The following ABCA13 variants were observed in gnomAD, a reference collection of about 807,000 sequenced individuals.
ABCA13 encodes ATP binding cassette subfamily A member 13.
A neutral mutation model predicts 478.7 loss-of-function variants in ABCA13; 476 were observed. The observed-to-expected ratio is 0.99, with a 90% CI of 0.92 to 1.07. The LOEUF (loss-of-function observed/expected upper bound fraction) is 1.07. Ranked by LOEUF, ABCA13 falls within the 50% of genes least tolerant of loss-of-function variation. The pLI is 0.00. For missense variants in ABCA13, 6,060 were observed against 5,910.6 expected (o/e 1.03, Z -0.83); for synonymous variants, 2,252 against 2,158.9 (o/e 1.04, Z -1.20).
At chr7:48,578,919 C>A (rs546546776) in intron 55 of ABCA13, among the ~76,000 whole-genome samples, 1 of 152,322 alleles carries the variant, frequency 6.6e-6, no homozygotes, top group African/African-American at 2.4e-5. Context: ...GGTGCCAGAA[C>A]AAATGGACAT....
At chr7:48,505,481 A>G (rs538435830) in intron 48 of ABCA13, among the ~76,000 whole-genome samples, 37 of 152,330 alleles carry the variant, frequency 2.4e-4, no homozygotes, top group Admixed American at 9.8e-4. Flanking sequence ...ATGATAGGGT[A>G]AATTAAAGGC....
chr7:48,296,010 G>T (rs1799314393), intron 21 of ABCA13, 147 bp downstream of exon 21: 17 of 1,063,962 alleles, frequency 1.6e-5, no homozygotes, highest in Non-Finnish European at 1.7e-5. Context: ...AAACATCAAA[G>T]TTTTCCATGA....
At chr7:48,285,279 C>T (rs1797573758) in intron 19 of ABCA13, among the ~76,000 whole-genome samples, 1 of 152,138 alleles carries the variant, frequency 6.6e-6, no homozygotes, top group Admixed American at 6.5e-5. Flanking sequence ...ATCTGGAAAG[C>T]CAGAGTGGGT....
chr7:48,214,533 A>G (rs117366044), intron 3 of ABCA13, among the ~76,000 whole-genome samples: 100 of 152,328 alleles, frequency 6.6e-4, no homozygotes, highest in Non-Finnish European at 8.7e-4. Flanking sequence ...CTGCATTGAA[A>G]ATCTGTTGTT....
chr7:48,277,958 T>C, intron 17 of ABCA13, 136 bp from the exon 18 acceptor site: 1 of 264,918 alleles, frequency 3.8e-6, no homozygotes, highest in Non-Finnish European at 6.9e-6. Context: ...TAGCATGTCA[T>C]CTTTTGCTCA....
chr7:48,351,139 G>C (rs1192302454), intron 30 of ABCA13, among the ~76,000 whole-genome samples: 2 of 152,126 alleles, frequency 1.3e-5, no homozygotes, highest in African/African-American at 2.4e-5. Context: ...CACACCATAA[G>C]TTATATTATT....
chr7:48,276,632 G>A, intron 17 of ABCA13, 67 bp downstream of exon 17: 1 of 1,319,016 alleles, frequency 7.6e-7, no homozygotes, highest in Non-Finnish European at 1.1e-6. Flanking sequence ...TTATTTTCTG[G>A]AGTATAGACA....
intron 55 of ABCA13, among the ~76,000 whole-genome samples, chr7:48,533,865 T>C (rs991964996): frequency 7.2e-5 from 11 of 152,110 alleles, no homozygotes; most frequent in African/African-American, 2.4e-4. Flanking sequence ...TTCCACCCCT[T>C]TACCTTAAGC....
chr7:48,620,027 AG>A (rs1792980906), intron 59 of ABCA13, among the ~76,000 whole-genome samples: 1 of 152,192 alleles, frequency 6.6e-6, no homozygotes, highest in African/African-American at 2.4e-5. Context: ...CAGGAAGTGA[AG>A]TAGGAATCAG....
At chr7:48,254,928 C>T (rs978066019) in intron 15 of ABCA13, among the ~76,000 whole-genome samples, 18 of 152,104 alleles carry the variant, frequency 1.2e-4, no homozygotes, top group African/African-American at 4.3e-4. Flanking sequence ...AACAGTTGCC[C>T]ACAGTGGAAA....
intron 24 of ABCA13, among the ~76,000 whole-genome samples, chr7:48,312,201 G>A (rs1801882499): frequency 6.6e-6 from 1 of 152,186 alleles, no homozygotes. Context: ...ATAAGAAGCA[G>A]TGACAACTGG....
In ABCA13 at chr7:48,617,674, C is replaced by T. The variant is rs74778691; in HGVS notation, c.14837+2297C>T. 7.1e-3 allele frequency among the ~76,000 whole-genome samples: 1,086 copies of T among 152,214 alleles called. 16 individuals carry two copies. Among genetic ancestry groups the T allele is most frequent in the African/African-American group, 0.025 (1,021 of 41,538 alleles). ...CTAGTGGAGTGAAGCCAGGAGAGCACGAGGGTTTAGTCACCTTTAGCTTCT... is the reference window on the plus strand; with the variant it reads ...CTAGTGGAGTGAAGCCAGGAGAGCATGAGGGTTTAGTCACCTTTAGCTTCT... On this transcript the variant is annotated intron_variant, in intron 59 of 61. Transcript: ENST00000435803.
chr7:48,188,781 G>A (rs752806664), intron 1 of ABCA13, among the ~76,000 whole-genome samples: 2 of 152,090 alleles, frequency 1.3e-5, no homozygotes, highest in South Asian at 4.2e-4. Context: ...AAATGCCATC[G>A]TGGCTCAGCT....
chr7:48,549,220 C>T (rs1785090962), intron 55 of ABCA13, among the ~76,000 whole-genome samples: 1 of 151,680 alleles, frequency 6.6e-6, no homozygotes. Context: ...CCCTTGCCCT[C>T]TACCCGCCAA....
intron 55 of ABCA13, among the ~76,000 whole-genome samples, chr7:48,532,478 C>T (rs1833305307): frequency 6.6e-6 from 1 of 151,766 alleles, no homozygotes. Context: ...TTTGTTATGT[C>T]CTTTCCTGAT....
chr7:48,473,999 A>C (rs1268817637), intron 45 of ABCA13, among the ~76,000 whole-genome samples: 1 of 152,186 alleles, frequency 6.6e-6, no homozygotes, highest in Non-Finnish European at 1.5e-5. Context: ...AGCTGTCAAT[A>C]AACTCAGCTA....
chr7:48,597,622 G>A (rs1302357798), intron 58 of ABCA13, among the ~76,000 whole-genome samples: 1 of 152,106 alleles, frequency 6.6e-6, no homozygotes, highest in African/African-American at 2.4e-5. Context: ...ACTACTGTCT[G>A]TCTTTTTTCA....
At chr7:48,569,765 T>C (rs1371912106) in intron 55 of ABCA13, among the ~76,000 whole-genome samples, 1 of 152,160 alleles carries the variant, frequency 6.6e-6, no homozygotes, top group Non-Finnish European at 1.5e-5. Context: ...CCTAAAATGG[T>C]CTGCTCACCT....
At chr7:48,355,739 C>T (rs1294379512) in intron 31 of ABCA13, among the ~76,000 whole-genome samples, 5 of 151,858 alleles carry the variant, frequency 3.3e-5, no homozygotes, top group Non-Finnish European at 5.9e-5. Context: ...TTGATGAGGG[C>T]GTGATAGAGA....
Sources: allele counts gnomAD v4.1 joint callset (sites outside exome capture counted in the v4.1 genomes callset), GRCh38; gene constraint gnomAD v4.1.1; transcripts MANE v1.5; gene names NCBI Gene and HGNC (gene_info 2026-07-23, HGNC 2026-07-21).